Variants in ARID1B observed in about 807,000 individuals in gnomAD.
ARID1B encodes the protein AT-rich interactive domain-containing protein 1B.
A neutral mutation model predicts 212.3 loss-of-function variants in ARID1B; 30 were observed. That is an observed-to-expected ratio of 0.14 (90% CI 0.11 to 0.19). The LOEUF (loss-of-function observed/expected upper bound fraction) is 0.19, where lower values mean the gene tolerates loss of function less well. ARID1B is among the 10% of genes least tolerant of loss of function. ARID1B has a pLI of 1.00. For missense variants in ARID1B, 2,891 were observed against 3,204.0 expected (o/e 0.90, Z 2.36); for synonymous variants, 1,402 against 1,301.7 (o/e 1.08, Z -1.66).
chr6:156,794,088 T>C (rs1780189658), intron 1 of ARID1B, among the ~76,000 whole-genome samples: 1 of 152,194 alleles, frequency 6.6e-6, no homozygotes, highest in African/African-American at 2.4e-5. Flanking sequence ...CCTAGGGAAG[T>C]AACCCCTGCC....
chr6:156,919,796 ACTC>A (rs1169746748), intron 3 of ARID1B, among the ~76,000 whole-genome samples: 1 of 152,178 alleles, frequency 6.6e-6, no homozygotes. Flanking sequence ...GCACCACTGC[ACTC>A]CAGCCTGGGT....
At chr6:156,835,331 G>A (rs915155011) in intron 2 of ARID1B, among the ~76,000 whole-genome samples, 2 of 151,822 alleles carry the variant, frequency 1.3e-5, no homozygotes, top group African/African-American at 4.8e-5. Context: ...ATTGTATTTG[G>A]GTTTAAACAT....
intron 3 of ARID1B, among the ~76,000 whole-genome samples, chr6:156,934,919 TATA>T (rs1792051473): frequency 4.2e-5 from 1 of 23,544 alleles, no homozygotes; most frequent in South Asian, 1.6e-3. Flanking sequence ...TAATTATATA[TATA>T]TATATATATA....
intron 6 of ARID1B, among the ~76,000 whole-genome samples, chr6:157,129,771 A>G (rs1455391231): frequency 6.6e-6 from 1 of 152,242 alleles, no homozygotes; most frequent in Non-Finnish European, 1.5e-5. Context: ...TTAAGGACTG[A>G]GTAAATAGAA....
At chr6:156,889,426 G>A (rs753944151) in intron 2 of ARID1B, among the ~76,000 whole-genome samples, 3 of 152,332 alleles carry the variant, frequency 2.0e-5, no homozygotes, top group Middle Eastern at 3.4e-3. Context: ...ATACACTTGC[G>A]TGTTAATTTT....
chr6:156,985,644 A>G (rs550396448), intron 4 of ARID1B: 8 of 152,360 alleles, frequency 5.3e-5, no homozygotes, highest in African/African-American at 1.9e-4. Context: ...TTTATAAACA[A>G]CTACTGTGTC....
intron 4 of ARID1B, among the ~76,000 whole-genome samples, chr6:156,973,489 A>G (rs1423487195): frequency 6.6e-6 from 1 of 152,212 alleles, no homozygotes; most frequent in East Asian, 1.9e-4. Context: ...TGAGTTTCTA[A>G]GCTGCTCATC....
chr6:156,842,300 G>A (rs573831706), intron 2 of ARID1B, among the ~76,000 whole-genome samples: 2 of 152,236 alleles, frequency 1.3e-5, no homozygotes, highest in East Asian at 3.9e-4. Flanking sequence ...CCAGGCAACT[G>A]CTAACCTGCC....
At chr6:156,965,736 G>T (rs747828866) in intron 4 of ARID1B, among the ~76,000 whole-genome samples, 22 of 152,028 alleles carry the variant, frequency 1.4e-4, no homozygotes, top group Non-Finnish European at 2.6e-4. Context: ...TTATTTTGGG[G>T]GGCAGTTTGT....
chr6:157,174,636 A>C (rs1304452527), intron 10 of ARID1B, among the ~76,000 whole-genome samples: 3 of 150,770 alleles, frequency 2.0e-5, no homozygotes, highest in African/African-American at 2.4e-5. Context: ...CATCCAGCAG[A>C]CTTACCCAAT....
rs1232487351 is a variant in ARID1B, at chr6:156,778,037, C to G, written c.357C>G (p.Ser119=). Residue 119 remains serine, a synonymous_variant, in exon 1 of 20, where the codon TCC becomes TCG. Coordinates refer to ENST00000636930, the MANE Select transcript of ARID1B (RefSeq NM_001374828.1). ...GTGGAAGCGCCGCCGCGCTGTCCTC[C>G]TCCTCCTCCTCCTCCGCGGCGGCAG... ...KEGGSAAALS[S]SSSSSAAAAA... 6.5e-7 allele frequency: 1 copy of G among 1,531,738 alleles called. No homozygotes were observed. The highest frequency in any genetic ancestry group is 8.8e-7 in the Non-Finnish European group (1 of 1,142,794). The allele number at this position is 1,531,738 out of a possible 1,614,324, so 94.9% of individuals were successfully genotyped here.
chr6:157,121,789 G>T (rs750655661), intron 6 of ARID1B, among the ~76,000 whole-genome samples: 3 of 151,878 alleles, frequency 2.0e-5, no homozygotes, highest in Non-Finnish European at 4.4e-5. Context: ...ATGTCACCAC[G>T]CCCGGCTAAT....
At chr6:157,197,261 C>T (rs1178133553) in intron 16 of ARID1B, among the ~76,000 whole-genome samples, 6 of 152,312 alleles carry the variant, frequency 3.9e-5, no homozygotes, top group Admixed American at 3.9e-4. Context: ...TCCCCGGAGC[C>T]ACAGTGTGTG....
At chr6:157,060,142 T>C (rs540382245) in intron 4 of ARID1B, among the ~76,000 whole-genome samples, 5 of 152,292 alleles carry the variant, frequency 3.3e-5, no homozygotes, top group East Asian at 1.9e-4. Flanking sequence ...CCTGTCTAGA[T>C]ACCAGTACTA....
intron 4 of ARID1B, among the ~76,000 whole-genome samples, chr6:157,083,560 C>G (rs1038969176): frequency 2.6e-5 from 4 of 152,188 alleles, no homozygotes; most frequent in African/African-American, 9.7e-5. Flanking sequence ...CCCTTTTCGT[C>G]TTTAGCACCT....
At chr6:157,138,537 A>C (rs1035244822) in intron 7 of ARID1B, among the ~76,000 whole-genome samples, 1 of 152,044 alleles carries the variant, frequency 6.6e-6, no homozygotes, top group Admixed American at 6.5e-5. Context: ...CCTTGGTCTT[A>C]TTATTGAATT....
chr6:156,932,747 C>G (rs1298594905), intron 3 of ARID1B, among the ~76,000 whole-genome samples: 2 of 152,194 alleles, frequency 1.3e-5, no homozygotes, highest in African/African-American at 4.8e-5. Context: ...TATAGTCCCA[C>G]TGTAAGTTAT....
At chr6:156,847,942 A>AC (rs1315559824) in intron 2 of ARID1B, among the ~76,000 whole-genome samples, 1 of 152,000 alleles carries the variant, frequency 6.6e-6, no homozygotes, top group Non-Finnish European at 1.5e-5. Context: ...TGTAATTGAG[A>AC]CCCCACCTAC....
intron 4 of ARID1B, among the ~76,000 whole-genome samples, chr6:157,081,581 G>A (rs1044804015): frequency 6.6e-6 from 1 of 152,140 alleles, no homozygotes; most frequent in East Asian, 1.9e-4. Flanking sequence ...ACATGAACAC[G>A]AAGAAAGCCA....
Sources: allele counts gnomAD v4.1 joint callset (sites outside exome capture counted in the v4.1 genomes callset), GRCh38; gene constraint gnomAD v4.1.1; transcripts MANE v1.5; gene names NCBI Gene and HGNC (gene_info 2026-07-23, HGNC 2026-07-21).